Variants in SLC35B3 observed in about 807,000 individuals in gnomAD.
SLC35B3 encodes the protein adenosine 3'-phospho 5'-phosphosulfate transporter 2.
Under a neutral mutation model 44.1 loss-of-function variants are expected in SLC35B3, and 35 were observed. That is an observed-to-expected ratio of 0.79 (90% confidence interval 0.61 to 1.05). The LOEUF (loss-of-function observed/expected upper bound fraction) is 1.05, where lower values mean the gene tolerates loss of function less well. SLC35B3 is among the 50% of genes least tolerant of loss of function. SLC35B3 has a pLI of 0.00. For synonymous variants in SLC35B3, 146 were observed against 167.3 expected (o/e 0.87, Z 0.98); for missense variants, 414 against 476.4 (o/e 0.87, Z 1.22).
chr6:8,429,088 C>T (rs931459465), intron 3 of SLC35B3, among the ~76,000 whole-genome samples: 3 of 152,076 alleles, frequency 2.0e-5, no homozygotes, highest in Non-Finnish European at 4.4e-5. Flanking sequence ...TAAGAAAATA[C>T]ATCATTTTCC....
At position 8,434,324 on chromosome 6, in the gene SLC35B3, G is replaced by A. The variant is rs556884767; in HGVS notation, c.3+61C>T. 7.2e-6 allele frequency: 11 copies of A among 1,534,234 alleles called. No individual in the cohort carries two copies. The highest frequency in any genetic ancestry group is 1.7e-4 in the Middle Eastern group (1 of 5,882). The stretch of plus-strand genomic sequence containing the variant: ...AAAGTCATTACGGTGTCATTAACCT[G>A]AAAAAACGTGATTTTAACTATACTT... On this transcript the variant is annotated intron_variant, in intron 2 of 10. Transcript: ENST00000644923. The surrounding 1 kb of genome is among the most constrained non-coding windows in gnomAD (Gnocchi z 6.3).
At position 8,424,379 on chromosome 6, in the gene SLC35B3, ACCT is replaced by A. The variant is rs1397831378; in HGVS notation, c.420-1758_420-1756del. 2.6e-5 allele frequency among the ~76,000 whole-genome samples: 4 copies of A among 151,960 alleles called. No individual in the cohort carries two copies. In the East Asian group the frequency reaches 7.7e-4, roughly 29 times the overall value. ...ACCATTCTCCTGCCTCAGCCTCCTG[ACCT>A]CCTGAGTAGCTAGGATTACAAGTGC... On this transcript the variant is annotated intron_variant, in intron 4 of 10. Transcript: ENST00000644923.
intron 4 of SLC35B3, among the ~76,000 whole-genome samples, chr6:8,427,224 C>A (rs147787490): frequency 2.8e-3 from 420 of 152,254 alleles, no homozygotes; most frequent in African/African-American, 9.4e-3. Flanking sequence ...ATTTGCCTAA[C>A]AAGGATCTGA....
intron 4 of SLC35B3, among the ~76,000 whole-genome samples, chr6:8,423,943 C>A (rs1350115357): frequency 6.6e-6 from 1 of 152,204 alleles, no homozygotes; most frequent in South Asian, 2.1e-4. Flanking sequence ...TAAAATGATA[C>A]AAGTCAAGGT....
At chr6:8,424,114 A>C (rs919293024) in intron 4 of SLC35B3, among the ~76,000 whole-genome samples, 4 of 152,248 alleles carry the variant, frequency 2.6e-5, no homozygotes, top group South Asian at 2.1e-4. Flanking sequence ...AAAGGAGCTC[A>C]AAAAATTCTG....
In SLC35B3 at chr6:8,427,955, A is replaced by G. The variant is rs1763589358; in HGVS notation, c.401T>C (p.Ile134Thr). The G allele has an allele frequency of 6.2e-7, 1 of 1,612,732 alleles. No homozygotes were observed. The highest frequency in any genetic ancestry group is 1.7e-5 in the Admixed American group (1 of 59,948). The change falls in exon 4 of 11, where the codon ATT (isoleucine) becomes ACT (threonine). Residue 134 changes from isoleucine (I) to threonine (T), a missense_variant. Transcript: ENST00000644923. Reference sequence around the variant, plus strand: ...CACATACCTCCTCCTTTTGTCCTGAATAAGCTGAAGTTCTATTAGGCCAAA... The same window carrying G: ...CACATACCTCCTCCTTTTGTCCTGAGTAAGCTGAAGTTCTATTAGGCCAAA...
intron 4 of SLC35B3, among the ~76,000 whole-genome samples, chr6:8,426,569 G>C (rs1228651351): frequency 6.6e-6 from 1 of 152,136 alleles, no homozygotes; most frequent in Non-Finnish European, 1.5e-5. Flanking sequence ...TGTAAGAAGT[G>C]ACTTTTGACT....
In SLC35B3 at chr6:8,414,997, GT is replaced by G; in HGVS notation, c.986-21del. The stretch of plus-strand genomic sequence containing the variant: ...TTGTCACTGTAGGAGCAAAAAATTA[GT>G]TTAGAATGTGCCTATTATCTTGACA... On this transcript the variant is annotated intron_variant, in intron 9 of 10. Coordinates refer to ENST00000644923, the MANE Select transcript of SLC35B3 (RefSeq NM_001370476.2). The G allele has an allele frequency of 6.6e-7, 1 of 1,520,442 alleles. No individual in the cohort carries two copies. The highest frequency in any genetic ancestry group is 9.1e-7 in the Non-Finnish European group (1 of 1,100,916). 94.2% of individuals were successfully genotyped at this position (1,520,442 alleles called of 1,614,324 possible). A position where few individuals can be genotyped will look rare whatever the true frequency, so the allele number is the denominator to read the frequency against.
chr6:8,414,299 G>T (rs1283313187), intron 10 of SLC35B3, among the ~76,000 whole-genome samples: 1 of 151,970 alleles, frequency 6.6e-6, no homozygotes, highest in Non-Finnish European at 1.5e-5. Context: ...TTAAGTTCTG[G>T]GTTTGAAACT....
chr6:8,428,503 ACTATT>A (rs1487985254), intron 3 of SLC35B3, among the ~76,000 whole-genome samples: 1 of 152,192 alleles, frequency 6.6e-6, no homozygotes, highest in East Asian at 1.9e-4. Flanking sequence ...TTTTCTCTGA[ACTATT>A]TTGATATGTA....
At position 8,430,261 on chromosome 6, in the gene SLC35B3, C is replaced by T; in HGVS notation, c.4-104G>A. The T allele has an allele frequency of 3.8e-6, 4 of 1,051,872 alleles. No individual in the cohort carries two copies. In the South Asian group the frequency reaches 7.4e-5, roughly 20 times the overall value. The allele number at this position is 1,051,872 out of a possible 1,614,324, so 65.2% of individuals were successfully genotyped here. Reference sequence around the variant, plus strand: ...AAGTTATACAAATGTCTGCTTCTCTCTGGATATTAGTATATTAATTCCTGT... The same window carrying T: ...AAGTTATACAAATGTCTGCTTCTCTTTGGATATTAGTATATTAATTCCTGT... On this transcript the variant is annotated intron_variant, in intron 2 of 10. Transcript: ENST00000644923.
In SLC35B3 at chr6:8,412,420, T is replaced by A. The variant is rs1762085882; in HGVS notation, c.*1129A>T. ...GGAAAAAACTAGGATAATTTTATAA[T>A]TATTTTATTATAATTTTGAGACATC... On this transcript the variant is annotated 3_prime_UTR_variant, in exon 11 of 11. Coordinates refer to ENST00000644923, the MANE Select transcript of SLC35B3 (RefSeq NM_001370476.2). 6.6e-6 allele frequency among the ~76,000 whole-genome samples: 1 copy of A among 152,218 alleles called. No individual in the cohort carries two copies. The highest frequency in any genetic ancestry group is 6.5e-5 in the Admixed American group (1 of 15,284).
At chr6:8,423,759 C>A (rs13216150) in intron 4 of SLC35B3, among the ~76,000 whole-genome samples, 37,437 of 151,988 alleles carry the variant, frequency 0.25, 5,450 homozygotes, top group East Asian at 0.38. Context: ...CATTTACATT[C>A]GATTCTGAGG....
Position 8,413,710 on chromosome 6 carries a change from G to C in SLC35B3, c.1056-11C>G. On this transcript the variant is annotated splice_polypyrimidine_tract_variant and intron_variant, in intron 10 of 10. Coordinates refer to ENST00000644923, the MANE Select transcript of SLC35B3 (RefSeq NM_001370476.2). Reference sequence around the variant, plus strand: ...CCAGACCATACATACCTAAGAGAAAGAAATAAGGAAAAAAAATTAAAATTA... The same window carrying C: ...CCAGACCATACATACCTAAGAGAAACAAATAAGGAAAAAAAATTAAAATTA... 1 of 1,421,576 alleles carries C rather than the reference G, an allele frequency of 7.0e-7. No homozygotes were observed. The highest frequency in any genetic ancestry group is 9.4e-7 in the Non-Finnish European group (1 of 1,065,654). 88.1% of individuals were successfully genotyped at this position (1,421,576 alleles called of 1,614,324 possible). A position where few individuals can be genotyped will look rare whatever the true frequency, so the allele number is the denominator to read the frequency against.
chr6:8,419,782 C>A lies in SLC35B3; in HGVS notation c.683-105G>T. 1 of 554,392 alleles carries A rather than the reference C, an allele frequency of 1.8e-6. No homozygotes were observed. The allele number at this position is 554,392 out of a possible 1,614,324, so 34.3% of individuals were successfully genotyped here. A position where few individuals can be genotyped will look rare whatever the true frequency, so the allele number is the denominator to read the frequency against. On this transcript the variant is annotated intron_variant, in intron 6 of 10. Transcript: ENST00000644923. This position sits in a 1 kb window ranked among gnomAD's most constrained non-coding sequence, Gnocchi z 4.3. Reference sequence around the variant, plus strand: ...ATTTCATTGGTCTAAAAAACAAAAGCAGATCTTCAACTACATTTGTTCGGT... The same window carrying A: ...ATTTCATTGGTCTAAAAAACAAAAGAAGATCTTCAACTACATTTGTTCGGT...
rs1762086975 is a variant in SLC35B3, at chr6:8,412,475, C to T, written c.*1074G>A. On this transcript the variant is annotated 3_prime_UTR_variant, in exon 11 of 11. Transcript: ENST00000644923. ...ACTTTTTCTTCAATTAAAAAAAATC[C>T]AATCATGATTCCTTTGGGATTACTT... is the stretch of plus-strand genomic sequence containing the variant. 6.6e-6 allele frequency among the ~76,000 whole-genome samples: 1 copy of T among 151,758 alleles called. No homozygotes were observed. Among genetic ancestry groups the T allele is most frequent in the Non-Finnish European group, 1.5e-5 (1 of 67,942 alleles).
chr6:8,431,379 C>T (rs977345218), intron 2 of SLC35B3, among the ~76,000 whole-genome samples: 9 of 152,060 alleles, frequency 5.9e-5, no homozygotes, highest in East Asian at 1.9e-4. Context: ...TACAAGATGG[C>T]TTAAAATGGC....
At chr6:8,413,754 A>G (rs1762169273) in intron 10 of SLC35B3, 55 bp from the exon 10 acceptor site, 10 of 1,156,616 alleles carry the variant, frequency 8.6e-6, no homozygotes, top group East Asian at 7.7e-5. Flanking sequence ...ACAATTTACT[A>G]TTAACCACAG....
rs528791473 is a variant in SLC35B3 at position 8,428,380 on chromosome 6, T to C, written c.298-322A>G. On this transcript the variant is annotated intron_variant, in intron 3 of 10. Transcript: ENST00000644923. ...AAGAGTTATTCTAATAGTTATCTGGTTTAATTTTAATTGAATAAGTCAAAT... is the reference window on the plus strand; with the variant it reads ...AAGAGTTATTCTAATAGTTATCTGGCTTAATTTTAATTGAATAAGTCAAAT... Among the ~76,000 whole-genome samples the C allele has an allele frequency of 3.3e-5, 5 of 152,306 alleles. No individual in the cohort carries two copies. In the South Asian group the frequency reaches 8.3e-4, roughly 25 times the overall value.
Sources: gnomAD v4.1 joint callset for allele counts (sites outside exome capture counted in the v4.1 genomes callset) on GRCh38, gnomAD v4.1.1 for gene constraint, Gnocchi (gnomAD v3.1) non-coding constraint, MANE v1.5 for transcripts, NCBI Gene and HGNC (gene_info 2026-07-23, HGNC 2026-07-21) for gene names.